Variants in TRAP1 observed in about 807,000 individuals in gnomAD.
TRAP1 encodes the protein heat shock protein 75 kDa, mitochondrial.
Under a neutral mutation model 89.1 loss-of-function variants are expected in TRAP1, and 102 were observed. The observed-to-expected ratio is 1.15, with a 90% CI of 0.98 to 1.35. The LOEUF (loss-of-function observed/expected upper bound fraction) is 1.35. Ranked by LOEUF, TRAP1 falls within the 40% of genes most tolerant of loss-of-function variation. The pLI, the probability that TRAP1 is intolerant of heterozygous loss-of-function variation, is 0.00. For missense variants in TRAP1, 1,256 were observed against 945.3 expected, an observed-to-expected ratio of 1.33 and a Z score of -4.31; for synonymous variants, 508 against 388.0, an observed-to-expected ratio of 1.31 and a Z score of -3.64.
At chr16:3,709,991 T>A (rs559876431) in intron 1 of TRAP1, among the ~76,000 whole-genome samples, 1 of 152,308 alleles carries the variant, frequency 6.6e-6, no homozygotes, top group South Asian at 2.1e-4. Context: ...CAGAAAGACC[T>A]GTATTCCCTC....
At chr16:3,658,675 A>AAAC in intron 17 of TRAP1, 118 bp downstream of exon 17, 3 of 952,062 alleles carry the variant, frequency 3.2e-6, no homozygotes, top group Non-Finnish European at 4.4e-6. Context: ...CCATCTCAAA[A>AAAC]AACAAACAAA....
chr16:3,682,648 C>T (rs945651782), intron 4 of TRAP1, among the ~76,000 whole-genome samples: 6 of 152,120 alleles, frequency 3.9e-5, no homozygotes, highest in African/African-American at 1.4e-4. Context: ...CCGCCACGGC[C>T]TCCCAAAGTG....
chr16:3,667,644 A>C (rs986853625), intron 11 of TRAP1, among the ~76,000 whole-genome samples: 1 of 151,372 alleles, frequency 6.6e-6, no homozygotes, highest in Admixed American at 6.6e-5. Flanking sequence ...TAAATAAATA[A>C]ATAAATAAAA....
chr16:3,712,459 C>T (rs1036760478), intron 1 of TRAP1, among the ~76,000 whole-genome samples: 19 of 152,132 alleles, frequency 1.2e-4, no homozygotes, highest in South Asian at 4.2e-4. Flanking sequence ...TTCTTATCAA[C>T]CTGACACCCC....
At chr16:3,685,847 G>C in intron 4 of TRAP1, 149 bp downstream of exon 4, 1 of 1,054,458 alleles carries the variant, frequency 9.5e-7, no homozygotes, top group Non-Finnish European at 1.4e-6. Context: ...TAATGAATGA[G>C]TGCTACTGTA....
Position 3,690,928 on chromosome 16 carries a change from G to C in TRAP1, c.146C>G (p.Pro49Arg). 4 of 1,590,004 alleles carry C rather than the reference G, an allele frequency of 2.5e-6. No homozygotes were observed. The highest frequency in any genetic ancestry group is 3.4e-6 in the Non-Finnish European group (4 of 1,168,526). Reference protein sequence around the residue: ...TTAQLGPRRNPAWSLQAGRLF... With the variant: ...TTAQLGPRRNRAWSLQAGRLF... ...TCGTCCTGCCTGCAAGCTCCAGGCT[G>C]GGTTTCGCCTGGGGCCCAACTGGGC... Residue 49 changes from proline to arginine, a missense_variant, in exon 2 of 18, where the codon CCA becomes CGA. By Grantham distance (103) the Pro-to-Arg change is moderately radical. Coordinates refer to ENST00000246957, the MANE Select transcript of TRAP1 (RefSeq NM_016292.3).
At chr16:3,697,661 C>T (rs1444727359) in intron 1 of TRAP1, among the ~76,000 whole-genome samples, 1 of 118,540 alleles carries the variant, frequency 8.4e-6, no homozygotes, top group African/African-American at 3.5e-5. Context: ...AAGACTCTGT[C>T]TCAAAAAAAA....
intron 11 of TRAP1, among the ~76,000 whole-genome samples, chr16:3,668,062 G>A (rs2050861185): frequency 6.6e-6 from 1 of 151,890 alleles, no homozygotes; most frequent in African/African-American, 2.4e-5. Flanking sequence ...CGAGTGGCTG[G>A]GATTACACCT....
intron 16 of TRAP1, chr16:3,660,086 AAAG>A (rs1177542979): frequency 6.6e-6 from 1 of 152,210 alleles, no homozygotes; most frequent in Non-Finnish European, 1.5e-5. Context: ...AGCTGGAAAA[AAAG>A]GACATTCTTA....
At chr16:3,710,857 G>A (rs1370673006) in intron 1 of TRAP1, among the ~76,000 whole-genome samples, 11 of 135,676 alleles carry the variant, frequency 8.1e-5, no homozygotes, top group Non-Finnish European at 4.6e-5. Flanking sequence ...ATGTGTGTGT[G>A]TATATATATA....
At chr16:3,676,289 C>T (rs550201794) in intron 6 of TRAP1, 144 bp from the exon 7 acceptor site, 80 of 568,480 alleles carry the variant, frequency 1.4e-4, no homozygotes, top group African/African-American at 8.7e-4. Flanking sequence ...CTGACCCCAG[C>T]GCACCACTCA....
chr16:3,668,996 G>C (rs184142578), intron 11 of TRAP1, among the ~76,000 whole-genome samples: 1 of 152,320 alleles, frequency 6.6e-6, no homozygotes, highest in East Asian at 1.9e-4. Context: ...GAGCTTCCCA[G>C]ATGAGGCCAG....
rs548079549 is a variant in TRAP1 at position 3,698,177 on chromosome 16, G to C, written c.89-7192C>G. On this transcript the variant is annotated intron_variant, in intron 1 of 17. Coordinates refer to ENST00000246957, the MANE Select transcript of TRAP1 (RefSeq NM_016292.3). ...GAGTATATAGAAGTCCTCACAATTGGGAAAAAGAAAAAAATAAGAAATCTA... is the reference window on the plus strand; with the variant it reads ...GAGTATATAGAAGTCCTCACAATTGCGAAAAAGAAAAAAATAAGAAATCTA... 1.1e-4 allele frequency among the ~76,000 whole-genome samples: 17 copies of C among 151,420 alleles called. No individual in the cohort carries two copies. In the South Asian group the frequency reaches 3.1e-3, roughly 28 times the overall value.
At chr16:3,681,175 C>T (rs1190917368) in intron 4 of TRAP1, among the ~76,000 whole-genome samples, 2 of 152,164 alleles carry the variant, frequency 1.3e-5, no homozygotes, top group African/African-American at 4.8e-5. Context: ...CACTCCAAGC[C>T]TCCACATCTA....
chr16:3,679,989 G>C (rs1040321869), intron 4 of TRAP1, 199 bp from the exon 5 acceptor site: 1 of 563,648 alleles, frequency 1.8e-6, no homozygotes, highest in African/African-American at 1.9e-5. Context: ...CAGCACTATG[G>C]GAGGCCAAGG....
intron 4 of TRAP1, among the ~76,000 whole-genome samples, chr16:3,684,981 T>C (rs1250818334): frequency 1.3e-5 from 2 of 152,192 alleles, no homozygotes; most frequent in Non-Finnish European, 2.9e-5. Context: ...GTAACATAAA[T>C]GGTCTTAGTA....
rs920874129 is a variant in TRAP1 at position 3,675,409 on chromosome 16, A to G, written c.815-12T>C. 8 of 1,613,816 alleles carry G rather than the reference A, an allele frequency of 5.0e-6. No homozygotes were observed. In the South Asian group the frequency reaches 8.8e-5, roughly 18 times the overall value. On this transcript the variant is annotated splice_polypyrimidine_tract_variant and intron_variant, in intron 7 of 17. Coordinates refer to ENST00000246957, the MANE Select transcript of TRAP1 (RefSeq NM_016292.3). ...CTTCGTTACCACATCTGGAAGGGACAAAAGAAAAACCACACTGCATCTACA... is the reference window on the plus strand; with the variant it reads ...CTTCGTTACCACATCTGGAAGGGACGAAAGAAAAACCACACTGCATCTACA...
At chr16:3,699,900 C>T (rs1196378938) in intron 1 of TRAP1, among the ~76,000 whole-genome samples, 1 of 150,980 alleles carries the variant, frequency 6.6e-6, no homozygotes, top group African/African-American at 2.4e-5. Context: ...GTCTTAAGCT[C>T]CTGGTCTCAA....
rs1053909255 is a variant in TRAP1 at position 3,665,848 on chromosome 16, C to G, written c.1383+123G>C. On this transcript the variant is annotated intron_variant, in intron 12 of 17. Transcript: ENST00000246957. ...TTCCATTTCCTGACCCTGGTGGCAG[C>G]AGCAGCAGCAGCCAGGGTACCCAGC... 6.3e-6 allele frequency: 8 copies of G among 1,272,484 alleles called. No homozygotes were observed. The African/African-American group carries it at 1.1e-4, about 17-fold the overall frequency. 78.8% of individuals were successfully genotyped at this position (1,272,484 alleles called of 1,614,324 possible). A position where few individuals can be genotyped will look rare whatever the true frequency, so the allele number is the denominator to read the frequency against.
Sources: gnomAD v4.1 joint callset for allele counts (sites outside exome capture counted in the v4.1 genomes callset) on GRCh38, gnomAD v4.1.1 for gene constraint, MANE v1.5 for transcripts, NCBI Gene and HGNC (gene_info 2026-07-23, HGNC 2026-07-21) for gene names.